The following GRK6 variants were observed in gnomAD, a reference collection of about 807,000 sequenced individuals.
GRK6 encodes the protein G protein-coupled receptor kinase 6.
In GRK6, 37 loss-of-function variants were observed where a neutral mutation model predicts 80.8. The observed-to-expected ratio is 0.46, with a 90% CI of 0.35 to 0.60. The LOEUF (loss-of-function observed/expected upper bound fraction) is 0.60. Among genes scored for constraint, GRK6 ranks in the 20% least tolerant of loss-of-function variants. GRK6 has a pLI of 0.00. For missense variants in GRK6, 560 were observed against 784.6 expected (o/e 0.71, Z 3.42); for synonymous variants, 295 against 320.9 (o/e 0.92, Z 0.86).
chr5:177,436,096 CG>C lies in GRK6; in HGVS notation c.1083del (p.Tyr362ThrfsTer17). The C allele has an allele frequency of 6.2e-7, 1 of 1,613,834 alleles. No individual in the cohort carries two copies. Among genetic ancestry groups the C allele is most frequent in the Non-Finnish European group, 8.5e-7 (1 of 1,179,816 alleles). ...YMAPEVVKNERYTFSPDWWAL... is the reference protein window; with the variant it reads ...YMAPEVVKNEXYTFSPDWWAL... ...AGCTCCGGAGGTGGTGAAGAATGAA[CG>C]GTACACGTTCAGCCCTGACTGGTGG... On this transcript the variant is annotated frameshift_variant, in exon 12 of 16. Coordinates refer to ENST00000355472, the MANE Select transcript of GRK6 (RefSeq NM_001004106.3). LOFTEE classifies it high-confidence loss of function.
In GRK6 at chr5:177,434,975, T is replaced by A. The variant is rs1452728806; in HGVS notation, c.967+36T>A. The A allele has an allele frequency of 2.5e-6, 4 of 1,612,468 alleles. No individual in the cohort carries two copies. In the South Asian group the frequency reaches 3.3e-5, roughly 13 times the overall value. On this transcript the variant is annotated intron_variant, in intron 10 of 15. Coordinates refer to ENST00000355472, the MANE Select transcript of GRK6 (RefSeq NM_001004106.3). ...GTGCCTGGGGTGGGTCAGGGTGGGGTGAGATGCAGAGGCCTGGCCTGTTAA... is the reference window on the plus strand; with the variant it reads ...GTGCCTGGGGTGGGTCAGGGTGGGGAGAGATGCAGAGGCCTGGCCTGTTAA...
intron 1 of GRK6, chr5:177,430,647 C>T (rs1763848642): frequency 1.7e-6 from 1 of 576,936 alleles, no homozygotes; most frequent in African/African-American, 1.9e-5. Context: ...GCAGCGACCT[C>T]ACTGCCTCTC....
At chr5:177,437,435 T>C (rs1475375556) in intron 13 of GRK6, among the ~76,000 whole-genome samples, 1 of 152,072 alleles carries the variant, frequency 6.6e-6, no homozygotes, top group East Asian at 1.9e-4. Flanking sequence ...TTGCCAGCAG[T>C]GGGAGGGGCT....
In GRK6 at chr5:177,441,733, C is replaced by T; in HGVS notation, c.1678-4C>T. ...CTCCCTCCGTGTCTTCCCCGTCCCT[C>T]CAGGATTGCTGTGGAAACTGCAGCG... On this transcript the variant is annotated splice_polypyrimidine_tract_variant and splice_region_variant and intron_variant, in intron 15 of 15. Coordinates refer to ENST00000355472, the MANE Select transcript of GRK6 (RefSeq NM_001004106.3). The T allele has an allele frequency of 6.2e-7, 1 of 1,611,462 alleles. No homozygotes were observed.
rs375833728 is a variant in GRK6 at position 177,433,301 on chromosome 5, G to A, written c.534-46G>A. On this transcript the variant is annotated intron_variant, in intron 6 of 15. Transcript: ENST00000355472. ...TCGCCGGGGTTCTTCATAGGCCTTG[G>A]GCTCTCCTGCTCAGCCAGCGTTTGC... 4 of 1,613,784 alleles carry A rather than the reference G, an allele frequency of 2.5e-6. No homozygotes were observed. In the African/African-American group the frequency reaches 4.0e-5, roughly 16 times the overall value.
chr5:177,433,831 G>C, intron 8 of GRK6, 83 bp from the exon 9 acceptor site: 6 of 1,486,074 alleles, frequency 4.0e-6, no homozygotes, highest in Non-Finnish European at 5.4e-6. Flanking sequence ...CCAAGGAGTG[G>C]CACCGAGAAG....
At chr5:177,430,753 G>C in intron 1 of GRK6, 119 bp from the exon 2 acceptor site, 1 of 778,158 alleles carries the variant, frequency 1.3e-6, no homozygotes, top group Middle Eastern at 3.6e-4. Flanking sequence ...AAGGCCTGAG[G>C]TGCTGTTCTG....
chr5:177,427,000 G>A (rs1041690003), intron 1 of GRK6, 103 bp downstream of exon 1: 1 of 691,166 alleles, frequency 1.4e-6, no homozygotes, highest in Non-Finnish European at 2.0e-6. Flanking sequence ...CTAGGCCCGC[G>A]GGCCCTGCGC....
At chr5:177,425,599 A>T (rs1763616050), upstream of GRK6, among the ~76,000 whole-genome samples, 1 of 152,240 alleles carries the variant, frequency 6.6e-6, no homozygotes, top group Non-Finnish European at 1.5e-5. Context: ...TCTAGCAAGT[A>T]AGCAGGGAGC....
intron 11 of GRK6, 61 bp downstream of exon 11, chr5:177,435,182 C>A: frequency 2.4e-6 from 3 of 1,231,904 alleles, no homozygotes; most frequent in Non-Finnish European, 3.5e-6. Context: ...ACCCACCCAG[C>A]CACACCCACT....
Position 177,432,303 on chromosome 5 carries a change from G to A in GRK6, c.332G>A (p.Ser111Asn). The A allele has an allele frequency of 6.2e-7, 1 of 1,612,642 alleles. No homozygotes were observed. Among genetic ancestry groups the A allele is most frequent in the Non-Finnish European group, 8.5e-7 (1 of 1,179,946 alleles). ...CGRQLTQNFL[S>N]HTGPDLIPEV... ...CGGCAGCTAACGCAGAATTTTCTGA[G>A]CCACACGGTGAGTGAGCAGCGATGG... Residue 111 changes from serine (S) to asparagine (N), a missense_variant, in exon 4 of 16, where the codon AGC (serine) becomes AAC (asparagine). This residue lies in a region of GRK6 where 189 missense variants were observed against 230.2 expected (regional missense o/e 0.82). Coordinates refer to ENST00000355472, the MANE Select transcript of GRK6 (RefSeq NM_001004106.3).
rs1390366629 is a variant in GRK6, at chr5:177,428,029, G to A, written c.52+1132G>A. Among the ~76,000 whole-genome samples, 1 of 152,238 alleles carries A rather than the reference G, an allele frequency of 6.6e-6. No homozygotes were observed. Among genetic ancestry groups the A allele is most frequent in the African/African-American group, 2.4e-5 (1 of 41,456 alleles). ...GAACTTTCAGCTGGGTGCTACACCT[G>A]GCACCCCGTGCCCACCAAGTGCTCT... On this transcript the variant is annotated intron_variant, in intron 1 of 15. Transcript: ENST00000355472. This position sits in a 1 kb window ranked among gnomAD's most constrained non-coding sequence, Gnocchi z 4.1.
chr5:177,432,339 G>A, intron 4 of GRK6, 29 bp downstream of exon 4: 1 of 1,600,274 alleles, frequency 6.2e-7, no homozygotes. Context: ...AGAGATGATG[G>A]GAGCCACCAG....
In GRK6 at chr5:177,434,956, G is replaced by GGGGT. The variant is rs765231087; in HGVS notation, c.967+22_967+25dup. The stretch of plus-strand genomic sequence containing the variant: ...ATGACCACGGTGTGTAAGGGTGCCT[G>GGGGT]GGGTGGGTCAGGGTGGGGTGAGATG... On this transcript the variant is annotated intron_variant, in intron 10 of 15. Transcript: ENST00000355472. 13 of 1,613,520 alleles carry GGGGT rather than the reference G, an allele frequency of 8.1e-6. No homozygotes were observed. In the South Asian group the frequency reaches 1.4e-4, roughly 18 times the overall value.
intron 2 of GRK6, 105 bp downstream of exon 2, chr5:177,431,072 G>T: frequency 2.4e-6 from 2 of 848,496 alleles, no homozygotes; most frequent in Non-Finnish European, 1.9e-6. Context: ...AGACTTGGGG[G>T]CTCCAGTGAG....
chr5:177,434,099 G>T lies in GRK6; in HGVS notation c.924G>T (p.Val308=). 6.3e-7 allele frequency: 1 copy of T among 1,576,628 alleles called. No homozygotes were observed. Residue 308 remains valine (V), a synonymous_variant, in exon 9 of 16, where the codon GTG becomes GTT. Transcript: ENST00000355472. ...AGGACCTGCACCGGGAGCGCATCGT[G>T]TACAGGTGGGGAGGGCTCGGCCACC... ...GLEDLHRERI[V]YRDLKPENIL... is the part of the protein sequence containing the mutation.
At position 177,434,938 on chromosome 5, in the gene GRK6, C is replaced by T. The variant is rs199964997; in HGVS notation, c.966C>T (p.His322=). 2.1e-5 allele frequency: 21 copies of T among 982,750 alleles called. No individual in the cohort carries two copies. Among genetic ancestry groups the T allele is most frequent in the Admixed American group, 1.5e-4 (8 of 51,942 alleles). The allele number at this position is 982,750 out of a possible 1,614,324, so 60.9% of individuals were successfully genotyped here. A position where few individuals can be genotyped will look rare whatever the true frequency, so the allele number is the denominator to read the frequency against. ...CCGAGAACATCTTGCTGGATGACCA[C>T]GGTGTGTAAGGGTGCCTGGGGTGGG... The part of the protein sequence containing the change: ...LKPENILLDD[H]GHIRISDLGL... The change falls in exon 10 of 16, where the codon CAC becomes CAT. Residue 322 remains histidine, a splice_region_variant and synonymous_variant. Transcript: ENST00000355472.
At chr5:177,432,906 TCAGCTGCC>T (rs1763974300) in intron 5 of GRK6, 100 bp downstream of exon 5, 2 of 1,009,504 alleles carry the variant, frequency 2.0e-6, no homozygotes, top group Non-Finnish European at 3.0e-6. Flanking sequence ...GTGAGGGAGC[TCAGCTGCC>T]CAGCCCTGGC....
In GRK6 at chr5:177,441,914, C is replaced by T; in HGVS notation, c.*124C>T. On this transcript the variant is annotated 3_prime_UTR_variant, in exon 16 of 16. Transcript: ENST00000355472. ...CGTGGCCTGGGGAACACAGACGGAG[C>T]TGTCCCCAGTGTCCTCCGTCCCTCA... 3.3e-6 allele frequency: 3 copies of T among 898,312 alleles called. No homozygotes were observed. Among genetic ancestry groups the T allele is most frequent in the Non-Finnish European group, 1.8e-6 (1 of 563,198 alleles). 55.6% of individuals were successfully genotyped at this position (898,312 alleles called of 1,614,324 possible). A position where few individuals can be genotyped will look rare whatever the true frequency, so the allele number is the denominator to read the frequency against.
Sources: allele counts gnomAD v4.1 joint callset (sites outside exome capture counted in the v4.1 genomes callset), GRCh38; gene constraint gnomAD v4.1.1; regional missense constraint gnomAD v4.1.1; non-coding constraint Gnocchi (gnomAD v3.1); transcripts MANE v1.5; gene names NCBI Gene and HGNC (gene_info 2026-07-23, HGNC 2026-07-21).